Variants in ABTB2 observed in about 807,000 individuals in gnomAD.
The protein encoded by ABTB2 is ankyrin repeat and BTB/POZ domain-containing protein 2.
A neutral mutation model predicts 104.1 loss-of-function variants in ABTB2; 56 were observed. The ratio of observed to expected loss-of-function variants is 0.54; its 90% CI spans 0.43 to 0.67. ABTB2 has a LOEUF of 0.67. ABTB2 is among the 30% of genes least tolerant of loss of function. ABTB2 has a pLI of 0.00. For missense variants in ABTB2, 1,279 were observed against 1,407.7 expected, an observed-to-expected ratio of 0.91 and a Z score of 1.46; for synonymous variants, 606 against 608.2, an observed-to-expected ratio of 1.00 and a Z score of 0.05.
chr11:34,195,191 C>G (rs1026641189), intron 3 of ABTB2, among the ~76,000 whole-genome samples: 5 of 151,814 alleles, frequency 3.3e-5, no homozygotes, highest in Non-Finnish European at 7.4e-5. Flanking sequence ...AAGAAGGCGC[C>G]TGTCCTCCCA....
intron 1 of ABTB2, among the ~76,000 whole-genome samples, chr11:34,229,277 T>C (rs973211432): frequency 6.6e-6 from 1 of 151,492 alleles, no homozygotes; most frequent in Non-Finnish European, 1.5e-5. Flanking sequence ...AGTCAGGAGA[T>C]CAAGACCATC....
rs769713487 is a variant in ABTB2 at position 34,162,782 on chromosome 11, G to A, written c.2012C>T (p.Thr671Met). ...GHRNVLRKLL[T>M]QPQQAKADVL... ...GTCCGCTTTAGCCTGCTGTGGCTGC[G>A]TCAGGAGCTTCCTCAGGACGTTCCT... The change falls in exon 10 of 17, where the codon ACG becomes ATG. Residue 671 changes from threonine to methionine, a missense_variant. Coordinates refer to ENST00000435224, the MANE Select transcript of ABTB2 (RefSeq NM_145804.3). 1.4e-5 allele frequency: 23 copies of A among 1,605,852 alleles called. No individual in the cohort carries two copies. In the African/African-American group the frequency reaches 2.3e-4, roughly 16 times the overall value.
rs141420649 is a variant in ABTB2 at position 34,239,480 on chromosome 11, G to A, written c.884-34790C>T. On this transcript the variant is annotated intron_variant, in intron 1 of 16. Transcript: ENST00000435224. ...TGAGTAGCTGAGACTGCAGACATGC[G>A]CCCCCAAGCCCCAGCTATTTTTGTA... Among the ~76,000 whole-genome samples the A allele has an allele frequency of 1.8e-3, 281 of 152,012 alleles. 3 individuals are homozygous for A. Among genetic ancestry groups the A allele is most frequent in the African/African-American group, 6.7e-3 (278 of 41,430 alleles).
At chr11:34,237,602 T>G (rs1394007825) in intron 1 of ABTB2, among the ~76,000 whole-genome samples, 1 of 152,188 alleles carries the variant, frequency 6.6e-6, no homozygotes, top group Non-Finnish European at 1.5e-5. Context: ...CAGGCTGGCT[T>G]CAGTAAGAAC....
chr11:34,209,342 CA>C (rs1285113333), intron 1 of ABTB2, among the ~76,000 whole-genome samples: 5 of 147,648 alleles, frequency 3.4e-5, no homozygotes, highest in Non-Finnish European at 4.5e-5. Context: ...CCTCTGTCTC[CA>C]AAAAAAAACT....
In ABTB2 at chr11:34,154,811, A is replaced by G. The variant is rs768913984; in HGVS notation, c.2698-42T>C. 54 of 1,602,684 alleles carry G rather than the reference A, an allele frequency of 3.4e-5. No individual in the cohort carries two copies. The highest frequency in any genetic ancestry group is 4.6e-5 in the Non-Finnish European group (54 of 1,170,434). On this transcript the variant is annotated intron_variant, in intron 14 of 16. Transcript: ENST00000435224. The surrounding 1 kb of genome is among the most constrained non-coding windows in gnomAD (Gnocchi z 4.9). ...CCCATGTGAATGCCACGTGAACCTGAGGCATGAAAGTCCTTGCCAGCCCCA... is the reference window on the plus strand; with the variant it reads ...CCCATGTGAATGCCACGTGAACCTGGGGCATGAAAGTCCTTGCCAGCCCCA...
intron 1 of ABTB2, among the ~76,000 whole-genome samples, chr11:34,211,531 A>C (rs1179661475): frequency 2.0e-5 from 3 of 152,090 alleles, no homozygotes; most frequent in Non-Finnish European, 4.4e-5. Context: ...GAGGGAAATA[A>C]GAGGAAAAAC....
chr11:34,284,399 C>T (rs1156844728), intron 1 of ABTB2, among the ~76,000 whole-genome samples: 1 of 152,188 alleles, frequency 6.6e-6, no homozygotes, highest in Non-Finnish European at 1.5e-5. Context: ...AGGATTGGCC[C>T]CAATGTCTGA....
chr11:34,162,690 C>T lies in ABTB2; in HGVS notation c.2104G>A (p.Gly702Ser), dbSNP rs541546390. 4 of 1,613,094 alleles carry T rather than the reference C, an allele frequency of 2.5e-6. No homozygotes were observed. In the South Asian group the frequency reaches 3.3e-5, roughly 13 times the overall value. Reference protein sequence around the residue: ...EESDASSQGSGSEGPVRLSRT... With the variant: ...EESDASSQGSSSEGPVRLSRT... ...CTCAGCCGCACGGGCCCCTCGCTGC[C>T]ACTGCCCTGGCTCGACGCATCACTT... The change falls in exon 10 of 17, where the codon GGC (glycine) becomes AGC (serine). Residue 702 changes from glycine to serine, a missense_variant. Transcript: ENST00000435224.
intron 1 of ABTB2, among the ~76,000 whole-genome samples, chr11:34,245,615 G>A (rs1590228560): frequency 1.3e-5 from 2 of 152,310 alleles, no homozygotes; most frequent in Middle Eastern, 6.8e-3. Context: ...ATGAGGTGAG[G>A]GAAGGCATGA....
chr11:34,177,727 C>T (rs2133021467), intron 3 of ABTB2, among the ~76,000 whole-genome samples: 1 of 152,210 alleles, frequency 6.6e-6, no homozygotes, highest in South Asian at 2.1e-4. Context: ...ACCACCATGC[C>T]TGGCTAATTT....
At chr11:34,324,300 C>G (rs896478940) in intron 1 of ABTB2, among the ~76,000 whole-genome samples, 20 of 152,316 alleles carry the variant, frequency 1.3e-4, no homozygotes, top group Admixed American at 1.2e-3. Context: ...CTTACTTTAA[C>G]CCTCACACTA....
chr11:34,251,235 C>T (rs899250598), intron 1 of ABTB2, among the ~76,000 whole-genome samples: 5 of 152,194 alleles, frequency 3.3e-5, no homozygotes, highest in African/African-American at 9.6e-5. Context: ...TGCCCATGGG[C>T]GTGGGCTCTG....
chr11:34,332,806 C>A (rs1855147659), intron 1 of ABTB2, among the ~76,000 whole-genome samples: 2 of 150,906 alleles, frequency 1.3e-5, no homozygotes, highest in South Asian at 4.2e-4. Flanking sequence ...GCAAGAAGAA[C>A]TGGTTTCAGT....
intron 1 of ABTB2, among the ~76,000 whole-genome samples, chr11:34,249,312 C>G (rs1464615208): frequency 6.6e-6 from 1 of 152,122 alleles, no homozygotes; most frequent in African/African-American, 2.4e-5. Context: ...CAACTGTGGT[C>G]AGTGTAGGAC....
intron 4 of ABTB2, among the ~76,000 whole-genome samples, chr11:34,171,677 G>T (rs1852875838): frequency 1.3e-5 from 2 of 152,098 alleles, no homozygotes; most frequent in Non-Finnish European, 2.9e-5. Flanking sequence ...TTATGGGTCT[G>T]CCCCAAGCAG....
In ABTB2 at chr11:34,165,349, A is replaced by G; in HGVS notation, c.1763T>C (p.Leu588Pro). ...HGHISVVQLL[L>P]DAGAHVEGSA... ...GCCCTCGACATGGGCACCAGCATCC[A>G]GCAGCAACTGCCAGGGGCACAGAGG... The change falls in exon 8 of 17, where the codon CTG (leucine) becomes CCG (proline). Residue 588 changes from leucine (L) to proline (P), a missense_variant. Leu to Pro is a moderately conservative substitution (Grantham distance 98). Transcript: ENST00000435224. 2 of 1,586,644 alleles carry G rather than the reference A, an allele frequency of 1.3e-6. No individual in the cohort carries two copies. The highest frequency in any genetic ancestry group is 1.7e-6 in the Non-Finnish European group (2 of 1,167,138).
intron 14 of ABTB2, among the ~76,000 whole-genome samples, chr11:34,158,773 AGT>A (rs1470021165): frequency 6.6e-6 from 1 of 152,240 alleles, no homozygotes; most frequent in Non-Finnish European, 1.5e-5. Context: ...TTTGATCTAC[AGT>A]CAGGATGTGT....
At chr11:34,339,196 C>T (rs1222167608) in intron 1 of ABTB2, among the ~76,000 whole-genome samples, 3 of 152,178 alleles carry the variant, frequency 2.0e-5, no homozygotes, top group Non-Finnish European at 4.4e-5. Context: ...CCTAGGCCTC[C>T]CAAAGTGCTA....
Sources: allele counts gnomAD v4.1 joint callset (sites outside exome capture counted in the v4.1 genomes callset), GRCh38; gene constraint gnomAD v4.1.1; non-coding constraint Gnocchi (gnomAD v3.1); transcripts MANE v1.5; gene names NCBI Gene and HGNC (gene_info 2026-07-23, HGNC 2026-07-21).